The following KCTD8 variants were observed in gnomAD, a reference collection of about 807,000 sequenced individuals.
The protein encoded by KCTD8 is BTB/POZ domain-containing protein KCTD8.
Under a neutral mutation model 31.5 loss-of-function variants are expected in KCTD8, and 27 were observed. The observed-to-expected ratio is 0.86, with a 90% CI of 0.63 to 1.18. The LOEUF is 1.18. Ranked by LOEUF, KCTD8 falls within the 50% of genes most tolerant of loss-of-function variation. KCTD8 has a pLI of 0.00. For synonymous variants in KCTD8, 290 were observed against 280.0 expected (o/e 1.04, Z -0.36); for missense variants, 658 against 647.7 (o/e 1.02, Z -0.17).
chr4:44,217,692 C>T (rs1247022803), intron 1 of KCTD8, among the ~76,000 whole-genome samples: 2 of 152,182 alleles, frequency 1.3e-5, no homozygotes, highest in Non-Finnish European at 2.9e-5. Context: ...GTGGGATAAG[C>T]TAGCTTGCTG....
chr4:44,338,623 G>A (rs760539597), intron 1 of KCTD8, among the ~76,000 whole-genome samples: 1 of 152,170 alleles, frequency 6.6e-6, no homozygotes. Context: ...GATACCACAC[G>A]TGTGGTTTCG....
intron 1 of KCTD8, among the ~76,000 whole-genome samples, chr4:44,379,341 T>C (rs1720000189): frequency 6.6e-6 from 1 of 152,112 alleles, no homozygotes; most frequent in South Asian, 2.1e-4. Flanking sequence ...TAAAATGAAA[T>C]TGTGCAGAAC....
intron 1 of KCTD8, among the ~76,000 whole-genome samples, chr4:44,198,565 A>G (rs981850079): frequency 6.6e-6 from 1 of 152,220 alleles, no homozygotes; most frequent in East Asian, 1.9e-4. Context: ...GCTAAGCTTC[A>G]TAAGAGAAGG....
chr4:44,366,386 C>A (rs1017206710), intron 1 of KCTD8, among the ~76,000 whole-genome samples: 1 of 152,126 alleles, frequency 6.6e-6, no homozygotes, highest in Non-Finnish European at 1.5e-5. Context: ...TGAGTTCTCA[C>A]AAGATCTGAT....
intron 1 of KCTD8, among the ~76,000 whole-genome samples, chr4:44,319,540 TA>T (rs1718233154): frequency 6.6e-6 from 1 of 151,766 alleles, no homozygotes; most frequent in African/African-American, 2.4e-5. Context: ...AATGCTTAAA[TA>T]TAAAATAATA....
At chr4:44,400,387 T>C (rs950558061) in intron 1 of KCTD8, among the ~76,000 whole-genome samples, 1 of 151,872 alleles carries the variant, frequency 6.6e-6, no homozygotes, top group Admixed American at 6.6e-5. Flanking sequence ...TATTTTAGCA[T>C]GCAGTTACCA....
intron 1 of KCTD8, among the ~76,000 whole-genome samples, chr4:44,421,266 A>C (rs1237697480): frequency 6.6e-6 from 1 of 152,120 alleles, no homozygotes; most frequent in Non-Finnish European, 1.5e-5. Flanking sequence ...CACATACATG[A>C]AAATTTTATC....
rs187835200 is a variant in KCTD8 at position 44,285,983 on chromosome 4, G to A, written c.962-110733C>T. ...ATAAATTTAAATAGATTAAATTAAC[G>A]AGTTAAATTAAAAGATTAACAGGAG... is the stretch of plus-strand genomic sequence containing the variant. On this transcript the variant is annotated intron_variant, in intron 1 of 1. Transcript: ENST00000360029. Among the ~76,000 whole-genome samples, 341 of 152,058 alleles carry A rather than the reference G, an allele frequency of 2.2e-3. 4 individuals are homozygous for A. The highest frequency in any genetic ancestry group is 2.0e-3 in the Non-Finnish European group (137 of 67,944).
At chr4:44,249,594 T>C (rs1297454668) in intron 1 of KCTD8, among the ~76,000 whole-genome samples, 1 of 151,822 alleles carries the variant, frequency 6.6e-6, no homozygotes. Flanking sequence ...TAAAATTTTA[T>C]TTACACAAAC....
chr4:44,345,920 C>T (rs1448197437), intron 1 of KCTD8, among the ~76,000 whole-genome samples: 3 of 151,478 alleles, frequency 2.0e-5, no homozygotes, highest in African/African-American at 7.3e-5. Context: ...GAAAAGGCTG[C>T]ACTCTGGGAA....
At chr4:44,383,843 C>A (rs1179538699) in intron 1 of KCTD8, among the ~76,000 whole-genome samples, 1 of 151,928 alleles carries the variant, frequency 6.6e-6, no homozygotes, top group Admixed American at 6.6e-5. Flanking sequence ...AAACTAAAAA[C>A]CTCTGCATAG....
At chr4:44,325,072 G>C (rs890695443) in intron 1 of KCTD8, among the ~76,000 whole-genome samples, 1 of 151,946 alleles carries the variant, frequency 6.6e-6, no homozygotes. Flanking sequence ...GAATTTCTAC[G>C]TGTTGCTTAA....
At chr4:44,384,599 T>C (rs1382664090) in intron 1 of KCTD8, among the ~76,000 whole-genome samples, 1 of 151,474 alleles carries the variant, frequency 6.6e-6, no homozygotes, top group Non-Finnish European at 1.5e-5. Context: ...AAGTAGAGAG[T>C]TGAATAGCGG....
rs776941842 is a variant in KCTD8 at position 44,448,259 on chromosome 4, G to A, written c.265C>T (p.Leu89=). 1.7e-4 allele frequency: 281 copies of A among 1,606,720 alleles called. No individual in the cohort carries two copies. Among genetic ancestry groups the A allele is most frequent in the South Asian group, 2.2e-4 (20 of 90,554 alleles). ...AAGCGCGCCCGGCTGTCCCTGGGCAGCTCGCCCCGGCGCCGGGCGCCGCCA... is the reference window on the plus strand; with the variant it reads ...AAGCGCGCCCGGCTGTCCCTGGGCAACTCGCCCCGGCGCCGGGCGCCGCCA... ...PRGGARRRGE[L]PRDSRARFFI... The change falls in exon 1 of 2, where the codon CTG becomes TTG. Residue 89 remains leucine (L), a synonymous_variant. Transcript: ENST00000360029. The surrounding 1 kb of genome is among the most constrained non-coding windows in gnomAD (Gnocchi z 4.1).
chr4:44,212,997 G>C (rs1239981661), intron 1 of KCTD8, among the ~76,000 whole-genome samples: 1 of 152,082 alleles, frequency 6.6e-6, no homozygotes, highest in African/African-American at 2.4e-5. Flanking sequence ...GAGTGCAGTG[G>C]CATGATCTCA....
chr4:44,238,199 C>A (rs576371991), intron 1 of KCTD8, among the ~76,000 whole-genome samples: 6 of 151,944 alleles, frequency 3.9e-5, no homozygotes, highest in African/African-American at 1.2e-4. Flanking sequence ...GTTCTCCCCG[C>A]CCTACACTAG....
chr4:44,440,904 A>G (rs1721795320), intron 1 of KCTD8, among the ~76,000 whole-genome samples: 1 of 152,214 alleles, frequency 6.6e-6, no homozygotes, highest in Non-Finnish European at 1.5e-5. Context: ...GCCAAGAGGT[A>G]CCCTGAAAAG....
intron 1 of KCTD8, among the ~76,000 whole-genome samples, chr4:44,384,385 T>C (rs1248039033): frequency 6.6e-6 from 1 of 151,932 alleles, no homozygotes; most frequent in African/African-American, 2.4e-5. Context: ...AGCCAAAATA[T>C]GGAGTCAACC....
chr4:44,334,330 C>G (rs1447652943), intron 1 of KCTD8, among the ~76,000 whole-genome samples: 2 of 151,954 alleles, frequency 1.3e-5, no homozygotes, highest in African/African-American at 4.8e-5. Context: ...AATTTCAAAG[C>G]AGAAATTGTA....
Sources: allele counts gnomAD v4.1 joint callset (sites outside exome capture counted in the v4.1 genomes callset), GRCh38; gene constraint gnomAD v4.1.1; non-coding constraint Gnocchi (gnomAD v3.1); transcripts MANE v1.5; gene names NCBI Gene and HGNC (gene_info 2026-07-23, HGNC 2026-07-21).